Variants in HELZ observed in about 807,000 individuals in gnomAD.
The protein encoded by HELZ is ATP-dependent RNA helicase with zinc finger domain.
HELZ carries 23 observed loss-of-function variants against 218.2 expected under a neutral mutation model. The observed-to-expected ratio is 0.11, with a 90% CI of 0.08 to 0.15. The LOEUF is 0.15. Ranked by LOEUF, HELZ falls within the 10% of genes least tolerant of loss-of-function variation. HELZ has a pLI of 1.00. For missense variants in HELZ, 1,813 were observed against 2,353.7 expected (o/e 0.77, Z 4.75); for synonymous variants, 814 against 829.4 (o/e 0.98, Z 0.32).
intron 5 of HELZ, among the ~76,000 whole-genome samples, chr17:67,206,666 T>C (rs2040305968): frequency 6.6e-6 from 1 of 151,622 alleles, no homozygotes; most frequent in Non-Finnish European, 1.5e-5. Flanking sequence ...TGGCGCGATC[T>C]TGGCTCACCA....
intron 22 of HELZ, 45 bp downstream of exon 22, chr17:67,137,886 G>C: frequency 7.0e-7 from 1 of 1,429,196 alleles, no homozygotes; most frequent in Admixed American, 1.8e-5. Flanking sequence ...ACACACTTTA[G>C]ATTTAAGCAT....
intron 25 of HELZ, 41 bp from the exon 26 acceptor site, chr17:67,123,201 C>A: frequency 1.7e-6 from 2 of 1,160,106 alleles, no homozygotes; most frequent in South Asian, 1.9e-5. Context: ...AACAGCTGTA[C>A]ATAGTCATCC....
At chr17:67,137,905 C>A in intron 22 of HELZ, 26 bp downstream of exon 22, 1 of 1,536,108 alleles carries the variant, frequency 6.5e-7, no homozygotes, top group Non-Finnish European at 8.9e-7. Flanking sequence ...ATTTGAATGA[C>A]TGAATTCATT....
intron 5 of HELZ, among the ~76,000 whole-genome samples, chr17:67,206,598 C>CTTTT (rs60076524): frequency 7.3e-6 from 1 of 137,840 alleles, no homozygotes; most frequent in Admixed American, 7.3e-5. Flanking sequence ...CATATTAGGA[C>CTTTT]TTTTTTTTTT....
intron 7 of HELZ, among the ~76,000 whole-genome samples, chr17:67,197,228 C>A (rs2040054562): frequency 1.3e-5 from 2 of 152,068 alleles, no homozygotes. Flanking sequence ...AAGGGGAAAC[C>A]CCTTTCACTT....
chr17:67,094,029 T>G (rs1261075004), intron 31 of HELZ, among the ~76,000 whole-genome samples: 1 of 152,086 alleles, frequency 6.6e-6, no homozygotes, highest in Non-Finnish European at 1.5e-5. Flanking sequence ...GCACGCATAC[T>G]CCACTGAACC....
Position 67,109,500 on chromosome 17 carries a change from G to A in HELZ, c.4105C>T (p.Pro1369Ser). The change falls in exon 29 of 33, where the codon CCA becomes TCA. Residue 1369 changes from proline (P) to serine (S), a missense_variant. Transcript: ENST00000358691. Reference sequence around the variant, plus strand: ...TGCTGCTGTGGAATTGGAAAGGGTGGTCTTGGTAGCTGGGGAAGGGGATGA... The same window carrying A: ...TGCTGCTGTGGAATTGGAAAGGGTGATCTTGGTAGCTGGGGAAGGGGATGA... The part of the protein sequence containing the change: ...HFHPLPQLPR[P>S]PFPIPQQHTL... The A allele has an allele frequency of 6.2e-7, 1 of 1,614,170 alleles. No individual in the cohort carries two copies.
At chr17:67,119,474 G>A (rs768810611) in intron 27 of HELZ, among the ~76,000 whole-genome samples, 9 of 152,100 alleles carry the variant, frequency 5.9e-5, no homozygotes, top group Non-Finnish European at 1.0e-4. Context: ...CTGGGAGCTG[G>A]AGGATGGGAT....
At chr17:67,200,911 A>C (rs1016514236) in intron 7 of HELZ, 3 of 518,642 alleles carry the variant, frequency 5.8e-6, no homozygotes, top group Non-Finnish European at 7.0e-6. Flanking sequence ...ACAGAAGATA[A>C]GCCCTGGCAC....
intron 31 of HELZ, among the ~76,000 whole-genome samples, chr17:67,093,514 A>T (rs950120290): frequency 1.2e-4 from 18 of 152,242 alleles, no homozygotes; most frequent in African/African-American, 3.9e-4. Flanking sequence ...GCTGTCCAAA[A>T]ACTATTTCCT....
chr17:67,232,236 C>T (rs951886204), intron 3 of HELZ, among the ~76,000 whole-genome samples: 60 of 151,948 alleles, frequency 3.9e-4, no homozygotes, highest in African/African-American at 1.4e-3. Flanking sequence ...CTCCGCCTCC[C>T]AGGTTCAAGC....
At chr17:67,090,854 T>C (rs555944065) in intron 31 of HELZ, among the ~76,000 whole-genome samples, 21 of 152,212 alleles carry the variant, frequency 1.4e-4, no homozygotes, top group African/African-American at 4.8e-4. Flanking sequence ...CTTTATTGCT[T>C]TTCTGTTTTG....
intron 3 of HELZ, among the ~76,000 whole-genome samples, chr17:67,237,082 G>A (rs996640534): frequency 2.6e-5 from 4 of 152,324 alleles, no homozygotes; most frequent in African/African-American, 7.2e-5. Context: ...GTTCACGCCT[G>A]TAATCCCAGC....
intron 3 of HELZ, among the ~76,000 whole-genome samples, chr17:67,235,525 G>A (rs987602647): frequency 6.6e-6 from 1 of 151,234 alleles, no homozygotes; most frequent in African/African-American, 2.4e-5. Flanking sequence ...AAAAGAGAGA[G>A]ACAACAGAAG....
At chr17:67,127,544 C>T (rs1421936648) in intron 24 of HELZ, among the ~76,000 whole-genome samples, 1 of 152,140 alleles carries the variant, frequency 6.6e-6, no homozygotes, top group Non-Finnish European at 1.5e-5. Context: ...TTACTGCTTA[C>T]ACATTAAGAT....
chr17:67,084,042 T>C (rs2036278305), intron 32 of HELZ, among the ~76,000 whole-genome samples: 2 of 152,168 alleles, frequency 1.3e-5, no homozygotes, highest in Non-Finnish European at 2.9e-5. Flanking sequence ...AAGAAATAAA[T>C]CTCTAACTTC....
At chr17:67,221,624 C>T (rs1326926144) in intron 3 of HELZ, among the ~76,000 whole-genome samples, 1 of 152,204 alleles carries the variant, frequency 6.6e-6, no homozygotes, top group African/African-American at 2.4e-5. Context: ...AGTGGCTTTA[C>T]ATGGATTATT....
At chr17:67,119,710 T>C (rs901760510) in intron 27 of HELZ, among the ~76,000 whole-genome samples, 3 of 152,100 alleles carry the variant, frequency 2.0e-5, no homozygotes, top group Non-Finnish European at 4.4e-5. Flanking sequence ...ATATCAACAA[T>C]CCCACAAGAT....
chr17:67,107,822 A>C lies in HELZ; in HGVS notation c.4725-137T>G, dbSNP rs2037154437. Reference sequence around the variant, plus strand: ...TAGAACTGGCATTAATTCATCTCAGATGTAAGCATTAACACTCAATAGATG... The same window carrying C: ...TAGAACTGGCATTAATTCATCTCAGCTGTAAGCATTAACACTCAATAGATG... On this transcript the variant is annotated intron_variant, in intron 30 of 32. Coordinates refer to ENST00000358691, the MANE Select transcript of HELZ (RefSeq NM_014877.4). 5 of 727,288 alleles carry C rather than the reference A, an allele frequency of 6.9e-6. No individual in the cohort carries two copies. The South Asian group carries it at 7.7e-5, about 11-fold the overall frequency. 45.1% of individuals were successfully genotyped at this position (727,288 alleles called of 1,614,324 possible).
Sources: gnomAD v4.1 joint callset for allele counts (sites outside exome capture counted in the v4.1 genomes callset) on GRCh38, gnomAD v4.1.1 for gene constraint, MANE v1.5 for transcripts, NCBI Gene and HGNC (gene_info 2026-07-23, HGNC 2026-07-21) for gene names.